Variants in PARD3B observed in about 807,000 individuals in gnomAD.
PARD3B encodes the protein partitioning defective 3 homolog B.
PARD3B carries 103 observed loss-of-function variants against 130.2 expected under a neutral mutation model. The ratio of observed to expected loss-of-function variants is 0.79; its 90% confidence interval spans 0.67 to 0.93. The LOEUF (loss-of-function observed/expected upper bound fraction) is 0.93. PARD3B is among the 40% of genes least tolerant of loss of function. PARD3B has a pLI of 0.00. For missense variants in PARD3B, 1,609 were observed against 1,499.2 expected (o/e 1.07, Z -1.21); for synonymous variants, 583 against 553.2 (o/e 1.05, Z -0.76).
chr2:204,883,450 T>TA (rs1412467837), intron 2 of PARD3B, among the ~76,000 whole-genome samples: 54 of 112,052 alleles, frequency 4.8e-4, no homozygotes, highest in East Asian at 1.4e-3. Context: ...TATATATATA[T>TA]ATATATTTTT....
chr2:205,609,140 AG>A (rs1356185675), intron 22 of PARD3B, among the ~76,000 whole-genome samples: 4 of 152,234 alleles, frequency 2.6e-5, no homozygotes, highest in African/African-American at 9.6e-5. Flanking sequence ...TACGTTGCAG[AG>A]GGCTCTGCTA....
In PARD3B at chr2:205,146,830, C is replaced by A. The variant is rs1162010640; in HGVS notation, c.1435-11892C>A. On this transcript the variant is annotated intron_variant, in intron 10 of 22. Transcript: ENST00000406610. This position sits in a 1 kb window ranked among gnomAD's most constrained non-coding sequence, Gnocchi z 4.3. The stretch of plus-strand genomic sequence containing the variant: ...GCATCCTTCGCCTCCCGGGTTGGAG[C>A]GATTCTCCTGCCTCAGCTTCCTGAG... 6.6e-6 allele frequency among the ~76,000 whole-genome samples: 1 copy of A among 151,774 alleles called. No homozygotes were observed. Among genetic ancestry groups the A allele is most frequent in the African/African-American group, 2.4e-5 (1 of 41,354 alleles).
chr2:205,309,551 A>G lies in PARD3B; in HGVS notation c.2630+7850A>G, dbSNP rs1188754593. On this transcript the variant is annotated intron_variant, in intron 18 of 22. Transcript: ENST00000406610. This position sits in a 1 kb window ranked among gnomAD's most constrained non-coding sequence, Gnocchi z 4.7. Reference sequence around the variant, plus strand: ...ATATAAAGACATCCTGCTGTGAATTATTTTAAAAAGAACACTCCTACACAC... The same window carrying G: ...ATATAAAGACATCCTGCTGTGAATTGTTTTAAAAAGAACACTCCTACACAC... 6.6e-6 allele frequency among the ~76,000 whole-genome samples: 1 copy of G among 152,116 alleles called. No individual in the cohort carries two copies. The highest frequency in any genetic ancestry group is 1.5e-5 in the Non-Finnish European group (1 of 68,022).
At chr2:204,631,200 A>G (rs2034666375) in intron 1 of PARD3B, among the ~76,000 whole-genome samples, 1 of 150,382 alleles carries the variant, frequency 6.6e-6, no homozygotes, top group African/African-American at 2.4e-5. Context: ...CCTTAATTTC[A>G]TTATATACCC....
intron 3 of PARD3B, among the ~76,000 whole-genome samples, chr2:205,023,869 GCATCTA>G (rs1054627375): frequency 6.6e-6 from 1 of 152,056 alleles, no homozygotes; most frequent in African/African-American, 2.4e-5. Context: ...GACTCTGGTA[GCATCTA>G]CTTGATTTGC....
intron 2 of PARD3B, among the ~76,000 whole-genome samples, chr2:204,869,864 T>A (rs2045567042): frequency 6.6e-6 from 1 of 152,184 alleles, no homozygotes; most frequent in African/African-American, 2.4e-5. Flanking sequence ...GTTTTTAATG[T>A]TTTGTTTATA....
chr2:204,562,470 T>C (rs1211796135), intron 1 of PARD3B, among the ~76,000 whole-genome samples: 1 of 152,222 alleles, frequency 6.6e-6, no homozygotes, highest in Non-Finnish European at 1.5e-5. Flanking sequence ...GTAATAGAGA[T>C]AATTTTTGGA....
At position 205,052,460 on chromosome 2, in the gene PARD3B, AAAAT is replaced by A. The variant is rs1364123472; in HGVS notation, c.504+4773_504+4776del. ...ATATATATATATATATAAAATTAAA[AAAAT>A]AAGCTGGCAGATTTGGGGGTTGTTA... On this transcript the variant is annotated intron_variant, in intron 4 of 22. Transcript: ENST00000406610. 1.5e-3 allele frequency among the ~76,000 whole-genome samples: 195 copies of A among 134,300 alleles called. 1 individual carries two copies. Among genetic ancestry groups the A allele is most frequent in the African/African-American group, 5.2e-3 (190 of 36,482 alleles). 88.1% of individuals were successfully genotyped at this position (134,300 alleles called of 152,430 possible).
chr2:205,273,694 T>C (rs1455401389), intron 16 of PARD3B, among the ~76,000 whole-genome samples: 5 of 152,230 alleles, frequency 3.3e-5, no homozygotes, highest in South Asian at 4.1e-4. Context: ...GAAGACACTC[T>C]ATTTGTTTAT....
intron 18 of PARD3B, among the ~76,000 whole-genome samples, chr2:205,323,475 T>C (rs1291712487): frequency 6.6e-6 from 1 of 152,204 alleles, no homozygotes; most frequent in African/African-American, 2.4e-5. Flanking sequence ...ATTTTAATTA[T>C]GAGTATGTGT....
At chr2:205,377,638 C>A (rs1431698876) in intron 18 of PARD3B, among the ~76,000 whole-genome samples, 1 of 152,076 alleles carries the variant, frequency 6.6e-6, no homozygotes, top group Non-Finnish European at 1.5e-5. Context: ...CACACCCTAC[C>A]AACTCCAGTA....
At chr2:204,575,974 T>C (rs543984176) in intron 1 of PARD3B, among the ~76,000 whole-genome samples, 65 of 152,332 alleles carry the variant, frequency 4.3e-4, no homozygotes, top group African/African-American at 1.5e-3. Context: ...GCCATGTTAA[T>C]TGACTGTTAG....
chr2:205,064,378 TCTTCCTCCACATTGGG>T (rs1700234688), intron 4 of PARD3B, among the ~76,000 whole-genome samples: 1 of 152,166 alleles, frequency 6.6e-6, no homozygotes, highest in Admixed American at 6.6e-5. Flanking sequence ...CTGCCCACTG[TCTTCCTCCACATTGGG>T]GAGACATGCG....
chr2:205,240,804 GT>G (rs1377509043), intron 15 of PARD3B, among the ~76,000 whole-genome samples: 1 of 152,154 alleles, frequency 6.6e-6, no homozygotes, highest in African/African-American at 2.4e-5. Flanking sequence ...CAAGGGGATT[GT>G]TTTCCCCCAG....
chr2:205,489,547 T>TGTATATATATAC (rs1553524235), intron 20 of PARD3B, among the ~76,000 whole-genome samples: 89 of 75,082 alleles, frequency 1.2e-3, no homozygotes, highest in African/African-American at 3.8e-3. Flanking sequence ...GGCATATATA[T>TGTATATATATAC]GTATATATAT....
intron 3 of PARD3B, among the ~76,000 whole-genome samples, chr2:205,006,563 T>G (rs1206112216): frequency 6.6e-6 from 1 of 152,218 alleles, no homozygotes; most frequent in East Asian, 1.9e-4. Flanking sequence ...TGATGATTAG[T>G]GATGTTGGGC....
intron 2 of PARD3B, among the ~76,000 whole-genome samples, chr2:204,871,501 A>C (rs941834955): frequency 6.6e-6 from 1 of 152,146 alleles, no homozygotes; most frequent in Non-Finnish European, 1.5e-5. Flanking sequence ...GGGGGGAAAA[A>C]AGTTCAATTC....
chr2:205,468,547 G>A (rs530404592), intron 20 of PARD3B, among the ~76,000 whole-genome samples: 32 of 152,326 alleles, frequency 2.1e-4, no homozygotes, highest in African/African-American at 7.5e-4. Flanking sequence ...TATAGAGAAT[G>A]TTATCCACCT....
chr2:204,880,858 C>T (rs751543384), intron 2 of PARD3B, among the ~76,000 whole-genome samples: 6 of 152,074 alleles, frequency 3.9e-5, no homozygotes, highest in Non-Finnish European at 5.9e-5. Context: ...GTAGAGCCAA[C>T]ATCCTGCAAT....
Sources: allele counts gnomAD v4.1 joint callset (sites outside exome capture counted in the v4.1 genomes callset), GRCh38; gene constraint gnomAD v4.1.1; non-coding constraint Gnocchi (gnomAD v3.1); transcripts MANE v1.5; gene names NCBI Gene and HGNC (gene_info 2026-07-23, HGNC 2026-07-21).